TRPM3: variants seen among roughly 807,000 people sequenced by gnomAD.
TRPM3 encodes transient receptor potential cation channel subfamily M member 3.
In TRPM3, 77 loss-of-function variants were observed where a neutral mutation model predicts 181.2. The observed-to-expected ratio is 0.42, with a 90% CI of 0.35 to 0.51. The LOEUF is 0.51. TRPM3 is among the 20% of genes least tolerant of loss of function. The pLI, the probability that TRPM3 is intolerant of heterozygous loss-of-function variation, is 0.01. For missense variants in TRPM3, 1,759 were observed against 2,196.7 expected, an observed-to-expected ratio of 0.80 and a Z score of 3.98; for synonymous variants, 745 against 796.4, an observed-to-expected ratio of 0.94 and a Z score of 1.09.
chr9:70,895,503 A>G (rs2096268674), intron 1 of TRPM3, among the ~76,000 whole-genome samples: 1 of 152,208 alleles, frequency 6.6e-6, no homozygotes, highest in Admixed American at 6.5e-5. Context: ...TGAACCAATC[A>G]ATTACAGATA....
chr9:71,201,708 T>C (rs1644158667), intron 1 of TRPM3, among the ~76,000 whole-genome samples: 1 of 152,224 alleles, frequency 6.6e-6, no homozygotes, highest in Non-Finnish European at 1.5e-5. Context: ...TTCTCGAGCC[T>C]TGGCTTTCAG....
chr9:70,737,529 C>T (rs1241154041), intron 8 of TRPM3, among the ~76,000 whole-genome samples: 1 of 86,370 alleles, frequency 1.2e-5, no homozygotes, highest in Non-Finnish European at 2.3e-5. Flanking sequence ...CCTCACATCT[C>T]AATACTAATG....
At chr9:71,171,036 C>T (rs536570625) in intron 1 of TRPM3, among the ~76,000 whole-genome samples, 1 of 152,130 alleles carries the variant, frequency 6.6e-6, no homozygotes, top group Non-Finnish European at 1.5e-5. Context: ...AACAGCCCCC[C>T]CCAGGTGCTC....
intron 22 of TRPM3, among the ~76,000 whole-genome samples, chr9:70,559,670 C>T (rs756867326): frequency 2.1e-4 from 32 of 152,248 alleles, no homozygotes; most frequent in South Asian, 4.1e-4. Context: ...CTGAAATTGA[C>T]GCAAGAGAAG....
intron 1 of TRPM3, among the ~76,000 whole-genome samples, chr9:70,873,520 C>G (rs944617846): frequency 1.3e-5 from 2 of 151,940 alleles, no homozygotes; most frequent in Admixed American, 6.6e-5. Context: ...ATTGATTATT[C>G]CCCTCATGAA....
intron 8 of TRPM3, among the ~76,000 whole-genome samples, chr9:70,686,783 T>TTTTCTCTCTCTC (rs142600262): frequency 0.3 from 30,766 of 101,064 alleles, 6,727 homozygotes; most frequent in East Asian, 0.42. Flanking sequence ...CTTTCCCTCC[T>TTTTCTCTCTCTC]TTTCTCTCTC....
chr9:70,540,074 A>G (rs10780943), intron 25 of TRPM3, among the ~76,000 whole-genome samples: 131,001 of 152,170 alleles, frequency 0.86, 56,570 homozygotes, highest in East Asian at 0.97. Flanking sequence ...TTGGGCTCAA[A>G]CAATCCTCCC....
chr9:71,189,369 G>C (rs545909555), intron 1 of TRPM3, among the ~76,000 whole-genome samples: 1 of 151,776 alleles, frequency 6.6e-6, no homozygotes, highest in Non-Finnish European at 1.5e-5. Flanking sequence ...ATTTGTATAC[G>C]TATGTTGTTT....
chr9:70,738,038 C>T (rs1045933038), intron 8 of TRPM3, among the ~76,000 whole-genome samples: 2 of 152,152 alleles, frequency 1.3e-5, no homozygotes, highest in Non-Finnish European at 2.9e-5. Context: ...CAGATATTTA[C>T]AGAACATTCT....
intron 3 of TRPM3, among the ~76,000 whole-genome samples, chr9:70,855,859 G>C (rs938741360): frequency 2.1e-5 from 3 of 142,078 alleles, no homozygotes; most frequent in African/African-American, 7.8e-5. Flanking sequence ...TAATGCTTAT[G>C]ATGGTTTAAT....
intron 1 of TRPM3, among the ~76,000 whole-genome samples, chr9:71,054,154 C>T (rs1246196568): frequency 6.6e-6 from 1 of 152,070 alleles, no homozygotes; most frequent in African/African-American, 2.4e-5. Flanking sequence ...TTTCAGCTTC[C>T]TCAGATTAAA....
intron 1 of TRPM3, among the ~76,000 whole-genome samples, chr9:71,222,669 A>G (rs1260315117): frequency 2.0e-5 from 3 of 152,196 alleles, no homozygotes; most frequent in Admixed American, 2.0e-4. Flanking sequence ...GAGGGTGGAT[A>G]AGATAGTCTT....
At chr9:71,221,063 A>G (rs1181239524) in intron 1 of TRPM3, among the ~76,000 whole-genome samples, 1 of 152,226 alleles carries the variant, frequency 6.6e-6, no homozygotes, top group Non-Finnish European at 1.5e-5. Flanking sequence ...AAAATGACTC[A>G]TGCAGAAAGA....
intron 1 of TRPM3, among the ~76,000 whole-genome samples, chr9:71,373,364 AACAG>A (rs1167992874): frequency 2.6e-5 from 4 of 152,120 alleles, no homozygotes; most frequent in African/African-American, 4.8e-5. Flanking sequence ...AAAATTACAA[AACAG>A]ACAGACTACT....
At chr9:70,942,168 A>T (rs553223625) in intron 1 of TRPM3, among the ~76,000 whole-genome samples, 2 of 152,232 alleles carry the variant, frequency 1.3e-5, no homozygotes, top group Non-Finnish European at 2.9e-5. Flanking sequence ...GGCTTTAAAA[A>T]GTAGAGACAA....
intron 6 of TRPM3, among the ~76,000 whole-genome samples, chr9:70,787,763 C>CTTTTTTTTTTTTTTTTTTTTTAT (rs2084071076): frequency 1.5e-5 from 1 of 68,558 alleles, no homozygotes; most frequent in Non-Finnish European, 2.6e-5. Flanking sequence ...TTTTTGGATT[C>CTTTTTTTTTTTTTTTTTTTTTAT]TTTTTTTTTT....
intron 1 of TRPM3, among the ~76,000 whole-genome samples, chr9:71,077,367 C>T (rs1208568634): frequency 6.6e-6 from 1 of 152,148 alleles, no homozygotes; most frequent in Non-Finnish European, 1.5e-5. Flanking sequence ...TACCTGTTGG[C>T]CAGTTCGCAA....
At chr9:71,123,711 G>T, upstream of TRPM3, among the ~76,000 whole-genome samples, 1 of 152,208 alleles carries the variant, frequency 6.6e-6, no homozygotes, top group East Asian at 1.9e-4. Flanking sequence ...CAAGGGCAGC[G>T]TGGTTTTCCT....
At position 70,639,051 on chromosome 9, in the gene TRPM3, T is replaced by C. The variant is rs933460858; in HGVS notation, c.1581+9A>G. On this transcript the variant is annotated intron_variant, in intron 11 of 25. Coordinates refer to ENST00000677713, the MANE Select transcript of TRPM3 (RefSeq NM_001366145.2). ...AAAGAAAATAAAAAGTGCCTTAGTT[T>C]GGCCCTACCGTATTGTACAATTCCT... The C allele has an allele frequency of 1.4e-5, 22 of 1,611,234 alleles. No individual in the cohort carries two copies. The highest frequency in any genetic ancestry group is 1.8e-5 in the Non-Finnish European group (21 of 1,179,144).
Sources: gnomAD v4.1 joint callset for allele counts (sites outside exome capture counted in the v4.1 genomes callset) on GRCh38, gnomAD v4.1.1 for gene constraint, MANE v1.5 for transcripts, NCBI Gene and HGNC (gene_info 2026-07-23, HGNC 2026-07-21) for gene names.